LHFPL3: variants seen among roughly 807,000 people sequenced by gnomAD.
LHFPL3 encodes the protein LHFPL tetraspan subfamily member 3, also known as LHFPL tetraspan subfamily member 3 protein.
A neutral mutation model predicts 19.3 loss-of-function variants in LHFPL3; 5 were observed. That is an observed-to-expected ratio of 0.26 (90% CI 0.14 to 0.54). The LOEUF is 0.54. Among genes scored for constraint, LHFPL3 ranks in the 20% least tolerant of loss-of-function variants. The pLI, the probability that LHFPL3 is intolerant of heterozygous loss-of-function variation, is 0.94. For synonymous variants in LHFPL3, 133 were observed against 126.2 expected (o/e 1.05, Z -0.36); for missense variants, 249 against 307.4 (o/e 0.81, Z 1.42).
chr7:104,716,342 C>CA (rs915180139), intron 1 of LHFPL3, among the ~76,000 whole-genome samples: 65 of 128,706 alleles, frequency 5.1e-4, no homozygotes, highest in South Asian at 1.2e-3. Flanking sequence ...ACTCCATCTC[C>CA]AAAAAAAAAA....
chr7:104,505,939 A>T (rs1316295188), intron 1 of LHFPL3, among the ~76,000 whole-genome samples: 1 of 152,210 alleles, frequency 6.6e-6, no homozygotes, highest in African/African-American at 2.4e-5. Flanking sequence ...TAAACCTAAA[A>T]TGGACTTAAT....
chr7:104,830,298 G>C (rs1435261933), intron 2 of LHFPL3, among the ~76,000 whole-genome samples: 1 of 151,776 alleles, frequency 6.6e-6, no homozygotes, highest in Non-Finnish European at 1.5e-5. Flanking sequence ...TCACTCTGAT[G>C]GTAGTTTCTT....
intron 1 of LHFPL3, among the ~76,000 whole-genome samples, chr7:104,364,185 T>A (rs1372531201): frequency 6.6e-6 from 1 of 152,194 alleles, no homozygotes; most frequent in Non-Finnish European, 1.5e-5. Context: ...GCAGTTGTTA[T>A]CCAAAGATTT....
intron 1 of LHFPL3, among the ~76,000 whole-genome samples, chr7:104,439,530 G>T (rs1348270381): frequency 6.6e-6 from 1 of 151,698 alleles, no homozygotes; most frequent in Non-Finnish European, 1.5e-5. Flanking sequence ...TATATAAATG[G>T]ACTAAAATAC....
At chr7:104,735,420 G>T (rs1272760893) in intron 1 of LHFPL3, among the ~76,000 whole-genome samples, 2 of 152,242 alleles carry the variant, frequency 1.3e-5, no homozygotes, top group African/African-American at 4.8e-5. Context: ...GCAATGGCGG[G>T]CGCCCCTCTC....
At chr7:104,602,202 A>G (rs772823805) in intron 1 of LHFPL3, among the ~76,000 whole-genome samples, 82 of 151,144 alleles carry the variant, frequency 5.4e-4, no homozygotes, top group Non-Finnish European at 1.0e-3. Context: ...TGTATTTTTA[A>G]TAGAGACAGG....
intron 1 of LHFPL3, among the ~76,000 whole-genome samples, chr7:104,519,556 A>T (rs1794001714): frequency 6.6e-6 from 1 of 152,170 alleles, no homozygotes; most frequent in South Asian, 2.1e-4. Context: ...TGGCACCTTT[A>T]AAAAGAAGCT....
chr7:104,376,936 G>A (rs1485359249), intron 1 of LHFPL3, among the ~76,000 whole-genome samples: 1 of 151,988 alleles, frequency 6.6e-6, no homozygotes, highest in Non-Finnish European at 1.5e-5. Context: ...AGTATCCCTG[G>A]GTTATGACTT....
At chr7:104,501,816 A>C (rs1317450151) in intron 1 of LHFPL3, among the ~76,000 whole-genome samples, 1 of 152,200 alleles carries the variant, frequency 6.6e-6, no homozygotes, top group Non-Finnish European at 1.5e-5. Flanking sequence ...AACCAAATAT[A>C]TTCTGCAGCT....
chr7:104,751,260 C>T (rs140342940), intron 2 of LHFPL3, among the ~76,000 whole-genome samples: 1 of 131,598 alleles, frequency 7.6e-6, no homozygotes, highest in African/African-American at 2.7e-5. Flanking sequence ...TCCACTGTGA[C>T]CTTACAGGCT....
At chr7:104,560,717 C>T (rs1209065846) in intron 1 of LHFPL3, among the ~76,000 whole-genome samples, 1 of 147,796 alleles carries the variant, frequency 6.8e-6, no homozygotes, top group Non-Finnish European at 1.5e-5. Context: ...TTCTTGCCTT[C>T]TGCTAGCTTT....
chr7:104,383,242 C>G (rs142026849), intron 1 of LHFPL3, among the ~76,000 whole-genome samples: 148 of 152,276 alleles, frequency 9.7e-4, no homozygotes, highest in African/African-American at 3.5e-3. Flanking sequence ...GAGACATCTT[C>G]TTAGCACAGT....
chr7:104,634,083 T>C (rs1178721345), intron 1 of LHFPL3, among the ~76,000 whole-genome samples: 1 of 152,260 alleles, frequency 6.6e-6, no homozygotes, highest in Non-Finnish European at 1.5e-5. Context: ...CTAACAAATA[T>C]CTTTATTTCT....
intron 1 of LHFPL3, among the ~76,000 whole-genome samples, chr7:104,349,462 A>C (rs1584605503): frequency 6.6e-6 from 1 of 152,226 alleles, no homozygotes; most frequent in Non-Finnish European, 1.5e-5. Flanking sequence ...CCAGACATAC[A>C]AGGGAGCCCT....
chr7:104,693,935 C>T (rs979116047), intron 1 of LHFPL3, among the ~76,000 whole-genome samples: 1 of 152,040 alleles, frequency 6.6e-6, no homozygotes, highest in Non-Finnish European at 1.5e-5. Flanking sequence ...CTGGCCTAAA[C>T]CTCTTTTGTT....
chr7:104,772,776 G>A (rs1452884552), intron 2 of LHFPL3, among the ~76,000 whole-genome samples: 3 of 152,184 alleles, frequency 2.0e-5, no homozygotes, highest in East Asian at 1.9e-4. Flanking sequence ...TCCTACTCTC[G>A]AGGCAGGCAA....
At chr7:104,559,489 G>C (rs373730190) in intron 1 of LHFPL3, among the ~76,000 whole-genome samples, 1 of 149,616 alleles carries the variant, frequency 6.7e-6, no homozygotes, top group Non-Finnish European at 1.5e-5. Flanking sequence ...TTTGTCTGTT[G>C]TTGGTGTATA....
intron 1 of LHFPL3, among the ~76,000 whole-genome samples, chr7:104,470,370 G>T: frequency 6.6e-6 from 1 of 152,066 alleles, no homozygotes; most frequent in Admixed American, 6.6e-5. Flanking sequence ...CTCATTCTTT[G>T]CAAGCCTCTG....
chr7:104,501,769 C>T (rs553772239), intron 1 of LHFPL3, among the ~76,000 whole-genome samples: 1 of 152,192 alleles, frequency 6.6e-6, no homozygotes, highest in South Asian at 2.1e-4. Context: ...TGATAGATTC[C>T]AATTTGAAAT....
Sources: allele counts gnomAD v4.1 joint callset (sites outside exome capture counted in the v4.1 genomes callset), GRCh38; gene constraint gnomAD v4.1.1; transcripts MANE v1.5; gene names NCBI Gene and HGNC (gene_info 2026-07-23, HGNC 2026-07-21).